The following BANK1 variants were observed in gnomAD, a reference collection of about 807,000 sequenced individuals.
BANK1 encodes the protein B-cell scaffold protein with ankyrin repeats.
BANK1 carries 95 observed loss-of-function variants against 94.5 expected under a neutral mutation model. The ratio of observed to expected loss-of-function variants is 1.00; its 90% CI spans 0.85 to 1.19. The LOEUF (loss-of-function observed/expected upper bound fraction) is 1.19. Ranked by LOEUF, BANK1 falls within the 50% of genes most tolerant of loss-of-function variation. The pLI is 0.00. For synonymous variants in BANK1, 334 were observed against 308.4 expected (o/e 1.08, Z -0.87); for missense variants, 987 against 932.2 (o/e 1.06, Z -0.77).
In BANK1 at chr4:101,830,361, C is replaced by A. The variant is rs1726570818; in HGVS notation, c.469+155C>A. ...ATTCAACAGTATGTTGTACTGTCCA[C>A]AAAATACATTAAGTTTCTTAATTTT... is the stretch of plus-strand genomic sequence containing the variant. On this transcript the variant is annotated intron_variant, in intron 2 of 16. Coordinates refer to ENST00000322953, the MANE Select transcript of BANK1 (RefSeq NM_017935.5). Among the ~76,000 whole-genome samples, 3 of 151,898 alleles carry A rather than the reference C, an allele frequency of 2.0e-5. No individual in the cohort carries two copies. In the South Asian group the frequency reaches 6.2e-4, roughly 31 times the overall value.
At chr4:101,827,882 A>G (rs1388998708) in intron 1 of BANK1, among the ~76,000 whole-genome samples, 2 of 151,858 alleles carry the variant, frequency 1.3e-5, no homozygotes, top group Non-Finnish European at 2.9e-5. Flanking sequence ...AGATACATTT[A>G]TATTATGATT....
Position 101,794,619 on chromosome 4 carries a change from G to A in BANK1, c.70+3669G>A, listed in dbSNP as rs141605762. ...TTTAAATATAAAGAATGGTATCTAAGTTTTAGTGCAGACATTGAAATAGTC... is the reference window on the plus strand; with the variant it reads ...TTTAAATATAAAGAATGGTATCTAAATTTTAGTGCAGACATTGAAATAGTC... On this transcript the variant is annotated intron_variant, in intron 1 of 16. Transcript: ENST00000322953. Among the ~76,000 whole-genome samples, 935 of 152,188 alleles carry A rather than the reference G, an allele frequency of 6.1e-3. 16 individuals are homozygous for A. The highest frequency in any genetic ancestry group is 0.021 in the African/African-American group (889 of 41,546).
In BANK1 at chr4:102,039,037, T is replaced by C. The variant is rs138139988; in HGVS notation, c.1901-4802T>C. 1.4e-4 allele frequency among the ~76,000 whole-genome samples: 22 copies of C among 152,290 alleles called. No homozygotes were observed. The East Asian group carries it at 4.2e-3, about 29-fold the overall frequency. On this transcript the variant is annotated intron_variant, in intron 10 of 16. Coordinates refer to ENST00000322953, the MANE Select transcript of BANK1 (RefSeq NM_017935.5). The stretch of plus-strand genomic sequence containing the variant: ...ACCTTTCCATCTCTGCTTATCTGAA[T>C]AGTAAGCCGTAACCCAAGTCAGTGA...
At chr4:101,937,659 A>G (rs1723614259) in intron 7 of BANK1, among the ~76,000 whole-genome samples, 2 of 152,006 alleles carry the variant, frequency 1.3e-5, no homozygotes, top group Non-Finnish European at 2.9e-5. Context: ...AATTAGTTCA[A>G]CCATTGTGGA....
intron 7 of BANK1, among the ~76,000 whole-genome samples, chr4:101,975,668 A>G (rs1030443612): frequency 4.6e-5 from 7 of 152,336 alleles, no homozygotes; most frequent in East Asian, 1.9e-4. Flanking sequence ...GTGGCTAGCA[A>G]TAACACTCAA....
intron 7 of BANK1, among the ~76,000 whole-genome samples, chr4:101,992,407 T>C (rs72929926): frequency 0.04 from 6,089 of 152,250 alleles, 430 homozygotes; most frequent in African/African-American, 0.14. Context: ...ATGGGCACAA[T>C]AATATTTTTT....
intron 5 of BANK1, among the ~76,000 whole-genome samples, chr4:101,890,001 GT>G: frequency 6.6e-6 from 1 of 152,180 alleles, no homozygotes; most frequent in East Asian, 1.9e-4. Context: ...TGGATTTCTA[GT>G]TTGATTCCAT....
rs1727049433 is a variant in BANK1, at chr4:102,025,338, G to A, written c.1423G>A (p.Val475Ile). ...GMETKHSPLE[V>I]GSESSEDQYD... ...GGAGACCAAACACAGCCCACTAGAG[G>A]TTGGCAGTGAGAGTTCTGAAGACCA... The change falls in exon 9 of 17, where the codon GTT becomes ATT. Residue 475 changes from valine (V) to isoleucine (I), a missense_variant. Val to Ile is a conservative substitution (Grantham distance 29). Coordinates refer to ENST00000322953, the MANE Select transcript of BANK1 (RefSeq NM_017935.5). The A allele has an allele frequency of 6.2e-7, 1 of 1,614,084 alleles. No homozygotes were observed. Among genetic ancestry groups the A allele is most frequent in the Non-Finnish European group, 8.5e-7 (1 of 1,180,020 alleles).
intron 6 of BANK1, among the ~76,000 whole-genome samples, chr4:101,902,290 G>T (rs1722314017): frequency 6.6e-6 from 1 of 152,164 alleles, no homozygotes; most frequent in Admixed American, 6.5e-5. Flanking sequence ...TCTACAAGAT[G>T]CAAATGGAAA....
chr4:101,858,567 T>C (rs1434984027), intron 3 of BANK1, among the ~76,000 whole-genome samples: 2 of 152,168 alleles, frequency 1.3e-5, no homozygotes, highest in African/African-American at 2.4e-5. Context: ...ATCTCAACTT[T>C]CCTTCTCCCC....
At chr4:101,953,754 C>T (rs369357157) in intron 7 of BANK1, among the ~76,000 whole-genome samples, 2 of 152,148 alleles carry the variant, frequency 1.3e-5, no homozygotes, top group Admixed American at 6.6e-5. Context: ...TTAACTAAAA[C>T]CCCACTGAGT....
In BANK1 at chr4:101,934,884, T is replaced by C. The variant is rs537825913; in HGVS notation, c.1206+16695T>C. ...GCACACTTATTTTATGAGCCGTGTTTACCTGCCCTTTTCACAGCAGTACCA... is the reference window on the plus strand; with the variant it reads ...GCACACTTATTTTATGAGCCGTGTTCACCTGCCCTTTTCACAGCAGTACCA... On this transcript the variant is annotated intron_variant, in intron 7 of 16. Transcript: ENST00000322953. Among the ~76,000 whole-genome samples, 3 of 151,698 alleles carry C rather than the reference T, an allele frequency of 2.0e-5. No individual in the cohort carries two copies. In the South Asian group the frequency reaches 6.2e-4, roughly 31 times the overall value.
chr4:102,071,404 G>T, intron 14 of BANK1, 100 bp downstream of exon 14: 1 of 1,159,556 alleles, frequency 8.6e-7, no homozygotes, highest in Admixed American at 2.0e-5. Flanking sequence ...AAGCAAGTCA[G>T]TGTAAACATT....
chr4:101,824,930 G>A (rs576976724), intron 1 of BANK1, among the ~76,000 whole-genome samples: 1 of 152,142 alleles, frequency 6.6e-6, no homozygotes, highest in South Asian at 2.1e-4. Context: ...AAAAGCAATT[G>A]TTGATATAAA....
intron 7 of BANK1, among the ~76,000 whole-genome samples, chr4:101,920,835 A>G (rs1344490047): frequency 5.3e-5 from 8 of 151,946 alleles, no homozygotes; most frequent in Non-Finnish European, 1.2e-4. Flanking sequence ...AGAAATTATG[A>G]TTTTAGAAAA....
chr4:101,829,791 A>T lies in BANK1; in HGVS notation c.71-17A>T. 6.8e-7 allele frequency: 1 copy of T among 1,467,322 alleles called. No homozygotes were observed. Among genetic ancestry groups the T allele is most frequent in the South Asian group, 1.4e-5 (1 of 72,096 alleles). The allele number at this position is 1,467,322 out of a possible 1,614,324, so 90.9% of individuals were successfully genotyped here. On this transcript the variant is annotated splice_polypyrimidine_tract_variant and intron_variant, in intron 1 of 16. Transcript: ENST00000322953. ...GATAGCATTGCAAATATAAGAAAAT[A>T]TTTTTTCTTTTTCCAGGAAATACAA...
chr4:102,010,758 C>T (rs1486191816), intron 7 of BANK1, among the ~76,000 whole-genome samples: 1 of 152,112 alleles, frequency 6.6e-6, no homozygotes. Context: ...ATAATAATTA[C>T]TTTTTTATTC....
At chr4:102,011,925 G>A (rs1401438480) in intron 7 of BANK1, among the ~76,000 whole-genome samples, 3 of 152,120 alleles carry the variant, frequency 2.0e-5, no homozygotes, top group Non-Finnish European at 4.4e-5. Flanking sequence ...GAAGTTCAGT[G>A]AAACATAAAG....
At chr4:101,870,330 G>A (rs920979122) in intron 4 of BANK1, among the ~76,000 whole-genome samples, 175 bp from the exon 5 acceptor site, 1 of 151,762 alleles carries the variant, frequency 6.6e-6, no homozygotes, top group Non-Finnish European at 1.5e-5. Context: ...GTCTAAAATT[G>A]TACATTTCAT....
Sources: gnomAD v4.1 joint callset for allele counts (sites outside exome capture counted in the v4.1 genomes callset) on GRCh38, gnomAD v4.1.1 for gene constraint, MANE v1.5 for transcripts, NCBI Gene and HGNC (gene_info 2026-07-23, HGNC 2026-07-21) for gene names.